Variants in PKD1L1 observed in about 807,000 individuals in gnomAD.
The protein encoded by PKD1L1 is polycystin-1-like protein 1.
Under a neutral mutation model 323.4 loss-of-function variants are expected in PKD1L1, and 236 were observed. The observed-to-expected ratio is 0.73, with a 90% confidence interval of 0.66 to 0.81. PKD1L1 has a LOEUF of 0.81. Among genes scored for constraint, PKD1L1 ranks in the 40% least tolerant of loss-of-function variants. PKD1L1 has a pLI of 0.00. For synonymous variants in PKD1L1, 1,344 were observed against 1,335.0 expected (o/e 1.01, Z -0.15); for missense variants, 3,320 against 3,508.0 (o/e 0.95, Z 1.35).
chr7:47,893,298 C>G (rs116014624), intron 15 of PKD1L1, among the ~76,000 whole-genome samples: 8,642 of 150,402 alleles, frequency 0.057, 277 homozygotes, highest in Middle Eastern at 0.086. Flanking sequence ...GGTCCTTCCA[C>G]GGGTACAGAA....
intron 14 of PKD1L1, among the ~76,000 whole-genome samples, chr7:47,896,207 T>C (rs1156274836): frequency 6.6e-6 from 1 of 151,874 alleles, no homozygotes; most frequent in South Asian, 2.1e-4. Context: ...TATGCACATG[T>C]AGTCCCAGCT....
At chr7:47,881,814 T>C (rs552725218) in intron 20 of PKD1L1, 95 bp downstream of exon 20, 160 of 1,212,890 alleles carry the variant, frequency 1.3e-4, no homozygotes, top group Admixed American at 1.1e-3. Flanking sequence ...TAAATACTTA[T>C]CTAGTAAAAC....
intron 17 of PKD1L1, among the ~76,000 whole-genome samples, chr7:47,887,319 C>T (rs984945411): frequency 2.6e-5 from 4 of 152,174 alleles, no homozygotes; most frequent in African/African-American, 9.7e-5. Flanking sequence ...CTCTCCAGCT[C>T]AGAAATAAAG....
intron 28 of PKD1L1, 96 bp from the exon 29 acceptor site, chr7:47,855,361 A>G: frequency 1.4e-6 from 1 of 728,904 alleles, no homozygotes; most frequent in Non-Finnish European, 2.2e-6. Context: ...CTGCTATTAC[A>G]CTTACATAAA....
At position 47,866,535 on chromosome 7, in the gene PKD1L1, T is replaced by C; in HGVS notation, c.3976A>G (p.Ile1326Val). Residue 1326 changes from isoleucine to valine, a missense_variant, in exon 25 of 57, where the codon ATC becomes GTC. Transcript: ENST00000289672. The part of the protein sequence containing the change: ...YTEIRNYITV[I>V]TRILSRLSKE... Reference sequence around the variant, plus strand: ...GACAAACGACTCAGGATTCTGGTGATCACAGTGATGTAGTTCCTGATTTCT... The same window carrying C: ...GACAAACGACTCAGGATTCTGGTGACCACAGTGATGTAGTTCCTGATTTCT... 1.9e-6 allele frequency: 3 copies of C among 1,613,984 alleles called. No individual in the cohort carries two copies. The highest frequency in any genetic ancestry group is 2.5e-6 in the Non-Finnish European group (3 of 1,179,934).
chr7:47,808,223 C>A, intron 52 of PKD1L1, 24 bp downstream of exon 52: 1 of 1,613,268 alleles, frequency 6.2e-7, no homozygotes, highest in Non-Finnish European at 8.5e-7. Flanking sequence ...CCTCTATCTG[C>A]ATGGCCCTGA....
chr7:47,887,956 C>T (rs1037199542), intron 17 of PKD1L1, 34 bp downstream of exon 17: 2 of 1,581,002 alleles, frequency 1.3e-6, no homozygotes, highest in Non-Finnish European at 1.7e-6. Flanking sequence ...GTTTTTCCCT[C>T]AGAAAACAAA....
intron 31 of PKD1L1, among the ~76,000 whole-genome samples, chr7:47,850,888 C>A (rs1242236423): frequency 6.6e-6 from 1 of 152,080 alleles, no homozygotes; most frequent in Non-Finnish European, 1.5e-5. Flanking sequence ...TGCTTTAATT[C>A]TAAAACGATT....
chr7:47,860,413 A>G (rs1785998863), intron 26 of PKD1L1, among the ~76,000 whole-genome samples: 3 of 152,236 alleles, frequency 2.0e-5, no homozygotes, highest in Admixed American at 2.0e-4. Context: ...AGCAGCTCCT[A>G]GCAATTGCTA....
At chr7:47,826,680 A>T (rs957441248) in intron 45 of PKD1L1, among the ~76,000 whole-genome samples, 2 of 152,170 alleles carry the variant, frequency 1.3e-5, no homozygotes, top group African/African-American at 2.4e-5. Flanking sequence ...GCATTTAGAG[A>T]AGGCTCCTTG....
rs16881621 is a variant in PKD1L1 at position 47,808,133 on chromosome 7, C to G, written c.7827+114G>C. 2.8e-3 allele frequency: 3,665 copies of G among 1,327,310 alleles called. 77 individuals carry two copies. In the African/African-American group the frequency reaches 0.046, roughly 17 times the overall value. The allele number at this position is 1,327,310 out of a possible 1,614,324, so 82.2% of individuals were successfully genotyped here. On this transcript the variant is annotated intron_variant, in intron 52 of 56. Coordinates refer to ENST00000289672, the MANE Select transcript of PKD1L1 (RefSeq NM_138295.5). Reference sequence around the variant, plus strand: ...TCTGCCAGCTCAGAGCATCATCTCTCGATATCAAACAAATCTGTTGTCTCG... The same window carrying G: ...TCTGCCAGCTCAGAGCATCATCTCTGGATATCAAACAAATCTGTTGTCTCG...
In PKD1L1 at chr7:47,929,281, TC is replaced by T. The variant is rs1307860724; in HGVS notation, c.982del (p.Asp328ThrfsTer7). 7 of 1,613,912 alleles carry T rather than the reference TC, an allele frequency of 4.3e-6. No individual in the cohort carries two copies. The highest frequency in any genetic ancestry group is 5.9e-6 in the Non-Finnish European group (7 of 1,180,010). On this transcript the variant is annotated frameshift_variant, in exon 7 of 57. Coordinates refer to ENST00000289672, the MANE Select transcript of PKD1L1 (RefSeq NM_138295.5). LOFTEE classifies it high-confidence loss of function. ...EALCLMMDFG[D>X]SSGVEMRLHN... ...TAGCCTCATTTCAACCCCAGAACTG[TC>T]CCCGAAATCCATCATCAGACAGAGA...
chr7:47,784,176 C>A (rs948779981), intron 56 of PKD1L1, among the ~76,000 whole-genome samples: 3 of 152,150 alleles, frequency 2.0e-5, no homozygotes, highest in Non-Finnish European at 2.9e-5. Flanking sequence ...TGAAGTCATC[C>A]CGGGAAGACT....
intron 19 of PKD1L1, 84 bp downstream of exon 19, chr7:47,884,514 G>A: frequency 8.0e-7 from 1 of 1,247,302 alleles, no homozygotes. Flanking sequence ...GCTGTGTAAG[G>A]GAACAGGTGG....
At position 47,931,919 on chromosome 7, in the gene PKD1L1, A is replaced by T; in HGVS notation, c.519+17T>A. On this transcript the variant is annotated intron_variant, in intron 5 of 56. Transcript: ENST00000289672. ...CAGCTTTCTGATGAAATTCAATTGC[A>T]GGGGTTAGATACCAACCTGGAGAAG... 6.3e-7 allele frequency: 1 copy of T among 1,596,416 alleles called. No homozygotes were observed. The highest frequency in any genetic ancestry group is 8.6e-7 in the Non-Finnish European group (1 of 1,169,126).
chr7:47,809,971 A>G (rs1784860041), intron 50 of PKD1L1, among the ~76,000 whole-genome samples: 2 of 152,228 alleles, frequency 1.3e-5, no homozygotes, highest in South Asian at 4.1e-4. Flanking sequence ...AACTATATAT[A>G]CATATATATA....
At chr7:47,832,989 GA>G in intron 41 of PKD1L1, 100 bp downstream of exon 41, 1 of 1,412,864 alleles carries the variant, frequency 7.1e-7, no homozygotes, top group Non-Finnish European at 9.5e-7. Flanking sequence ...AGTATTCAGT[GA>G]CATTTGGCCC....
chr7:47,903,724 C>T (rs922202778), intron 12 of PKD1L1, among the ~76,000 whole-genome samples: 1 of 152,180 alleles, frequency 6.6e-6, no homozygotes, highest in Non-Finnish European at 1.5e-5. Flanking sequence ...AGTTTTGATG[C>T]CAGCCTGAGG....
chr7:47,886,728 G>A (rs1291756722), intron 17 of PKD1L1, among the ~76,000 whole-genome samples: 2 of 152,168 alleles, frequency 1.3e-5, no homozygotes, highest in Admixed American at 1.3e-4. Flanking sequence ...CCTCATCAGA[G>A]CAGATGCTAG....
Sources: gnomAD v4.1 joint callset for allele counts (sites outside exome capture counted in the v4.1 genomes callset) on GRCh38, gnomAD v4.1.1 for gene constraint, MANE v1.5 for transcripts, NCBI Gene and HGNC (gene_info 2026-07-23, HGNC 2026-07-21) for gene names.